Variants in CD47 observed in about 807,000 individuals in gnomAD.
CD47 encodes CD47 molecule.
A neutral mutation model predicts 44.6 loss-of-function variants in CD47; 11 were observed. That is an observed-to-expected ratio of 0.25 (90% CI 0.16 to 0.41). The LOEUF (loss-of-function observed/expected upper bound fraction) is 0.41, where lower values mean the gene tolerates loss of function less well. Ranked by LOEUF, CD47 falls within the 10% of genes least tolerant of loss-of-function variation. CD47 has a pLI of 1.00. For missense variants in CD47, 306 were observed against 386.7 expected (o/e 0.79, Z 1.75); for synonymous variants, 140 against 136.3 (o/e 1.03, Z -0.19).
chr3:108,055,841 T>C (rs1475024650), intron 7 of CD47, among the ~76,000 whole-genome samples: 1 of 151,920 alleles, frequency 6.6e-6, no homozygotes, highest in Non-Finnish European at 1.5e-5. Flanking sequence ...GAGAGTGAAG[T>C]TAAGGAGGTG....
chr3:108,047,309 T>A lies in CD47; in HGVS notation c.968-17A>T. On this transcript the variant is annotated splice_polypyrimidine_tract_variant and intron_variant, in intron 10 of 10. Transcript: ENST00000361309. ...TCAGTTATTCTGGAAAATTGAAAAATGAACACATAATCACTATTCGTGTCT... is the reference window on the plus strand; with the variant it reads ...TCAGTTATTCTGGAAAATTGAAAAAAGAACACATAATCACTATTCGTGTCT... 1 of 1,598,402 alleles carries A rather than the reference T, an allele frequency of 6.3e-7. No individual in the cohort carries two copies. The highest frequency in any genetic ancestry group is 8.6e-7 in the Non-Finnish European group (1 of 1,167,552).
chr3:108,054,780 TTCTGCA>T (rs1204095187), intron 7 of CD47: 1 of 152,244 alleles, frequency 6.6e-6, no homozygotes, highest in Non-Finnish European at 1.5e-5. Flanking sequence ...TACGTATATA[TTCTGCA>T]TCTGCATCAT....
At chr3:108,086,440 T>C (rs148756653) in intron 1 of CD47, among the ~76,000 whole-genome samples, 11 of 152,126 alleles carry the variant, frequency 7.2e-5, no homozygotes, top group African/African-American at 2.4e-4. Context: ...AGGGGAAAAT[T>C]AAAATTGTGA....
intron 1 of CD47, among the ~76,000 whole-genome samples, chr3:108,083,651 A>G (rs2079459894): frequency 6.6e-6 from 1 of 152,052 alleles, no homozygotes; most frequent in South Asian, 2.1e-4. Flanking sequence ...GCTAATAGGC[A>G]AAAACAGAAG....
rs753480891 is a variant in CD47 at position 108,049,621 on chromosome 3, T to A, written c.965A>T (p.Asp322Val). Reference protein sequence around the residue: ...AFKESKGMMNDE With the variant: ...AFKESKGMMNVE Reference sequence around the variant, plus strand: ...TATTAAGTGCATTTTATACTTACCATCATTCATCATTCCTTTTGATTCTTT... The same window carrying A: ...TATTAAGTGCATTTTATACTTACCAACATTCATCATTCCTTTTGATTCTTT... Residue 322 changes from aspartate to valine, a missense_variant and splice_region_variant, in exon 10 of 11, where the codon GAT becomes GTT. By Grantham distance (152) the Asp-to-Val change is radical (BLOSUM62 -3). Around this residue, in one of 5 missense-constraint regions of CD47, gnomAD observed 131 missense variants for 135.3 expected, o/e 0.97. Coordinates refer to ENST00000361309, the MANE Select transcript of CD47 (RefSeq NM_001777.4). 1 of 1,578,076 alleles carries A rather than the reference T, an allele frequency of 6.3e-7. No homozygotes were observed. The highest frequency in any genetic ancestry group is 8.7e-7 in the Non-Finnish European group (1 of 1,147,414).
In CD47 at chr3:108,079,994, C is replaced by T. The variant is rs2079386024; in HGVS notation, c.397G>A (p.Val133Ile). The T allele has an allele frequency of 6.2e-7, 1 of 1,600,308 alleles. No homozygotes were observed. The highest frequency in any genetic ancestry group is 8.5e-7 in the Non-Finnish European group (1 of 1,170,698). The change falls in exon 2 of 11, where the codon GTT becomes ATT. Residue 133 changes from valine to isoleucine, a missense_variant. Physicochemically the swap from Val to Ile is conservative, Grantham distance 29. Around this residue, in one of 5 missense-constraint regions of CD47, gnomAD observed 65 missense variants for 119.9 expected, o/e 0.54. Transcript: ENST00000361309. ...GAAGCTTTCATAGAAGTCTTACCAA[C>T]ACGATATTTTAGCTCGATGATCGTT... ...GETIIELKYR[V>I]VSWFSPNENI...
chr3:108,057,696 T>G (rs2078935028), intron 6 of CD47, 127 bp from the exon 7 acceptor site: 2 of 528,256 alleles, frequency 3.8e-6, no homozygotes, highest in Non-Finnish European at 6.9e-6. Context: ...CATATATGTT[T>G]ATTAACTTAA....
chr3:108,059,410 GA>G, intron 5 of CD47, 41 bp downstream of exon 5: 4 of 1,013,434 alleles, frequency 3.9e-6, no homozygotes, highest in Admixed American at 2.9e-5. Context: ...TTTTGTAAAT[GA>G]AAAAGGTAGA....
Position 108,051,980 on chromosome 3 carries a change from A to G in CD47, c.878-10T>C, listed in dbSNP as rs751041825. ...GTCTTCTGATTGGAAGCTGATATAA[A>G]TAACAAATAAGAATATAAATTTAAT... On this transcript the variant is annotated splice_polypyrimidine_tract_variant and intron_variant, in intron 7 of 10. Coordinates refer to ENST00000361309, the MANE Select transcript of CD47 (RefSeq NM_001777.4). The G allele has an allele frequency of 8.2e-7, 1 of 1,216,736 alleles. No homozygotes were observed. The highest frequency in any genetic ancestry group is 1.2e-6 in the Non-Finnish European group (1 of 828,360). 75.4% of individuals were successfully genotyped at this position (1,216,736 alleles called of 1,614,324 possible). A position where few individuals can be genotyped will look rare whatever the true frequency, so the allele number is the denominator to read the frequency against.
At chr3:108,047,959 C>T (rs1402155343) in intron 10 of CD47, among the ~76,000 whole-genome samples, 1 of 151,952 alleles carries the variant, frequency 6.6e-6, no homozygotes, top group East Asian at 1.9e-4. Flanking sequence ...AAGAGGCACT[C>T]AAGATTCTTA....
At chr3:108,050,276 C>G (rs1402315116) in intron 9 of CD47, among the ~76,000 whole-genome samples, 1 of 152,046 alleles carries the variant, frequency 6.6e-6, no homozygotes, top group Non-Finnish European at 1.5e-5. Flanking sequence ...CACCACCATG[C>G]CCAGGTAATT....
intron 9 of CD47, 46 bp from the exon 10 acceptor site, chr3:108,049,697 A>G (rs776340895): frequency 7.2e-7 from 1 of 1,390,454 alleles, no homozygotes; most frequent in Non-Finnish European, 1.0e-6. Flanking sequence ...AGGTTCCACA[A>G]TTGGAAATCA....
intron 1 of CD47, among the ~76,000 whole-genome samples, chr3:108,082,056 G>A (rs1245048938): frequency 2.0e-5 from 3 of 151,890 alleles, no homozygotes; most frequent in Non-Finnish European, 4.4e-5. Context: ...GAGGGAGAGA[G>A]GACATAGTAT....
chr3:108,051,856 T>C (rs754964347), intron 8 of CD47, 83 bp downstream of exon 8: 45 of 1,030,706 alleles, frequency 4.4e-5, no homozygotes, highest in Non-Finnish European at 5.4e-5. Context: ...ACAAAACAGA[T>C]AGCAAAATAT....
chr3:108,057,087 T>G (rs2078924733), intron 7 of CD47, among the ~76,000 whole-genome samples: 2 of 152,186 alleles, frequency 1.3e-5, no homozygotes, highest in Non-Finnish European at 2.9e-5. Flanking sequence ...ACAGAAACAC[T>G]GGAACAATTA....
At chr3:108,063,495 T>C (rs1377815686) in intron 3 of CD47, among the ~76,000 whole-genome samples, 3 of 152,174 alleles carry the variant, frequency 2.0e-5, no homozygotes, top group Non-Finnish European at 4.4e-5. Flanking sequence ...AGTCGTCAAA[T>C]TTCTCAGTAT....
At chr3:108,065,969 A>AGATAGGCTAT (rs2079100275) in intron 3 of CD47, among the ~76,000 whole-genome samples, 1 of 152,122 alleles carries the variant, frequency 6.6e-6, no homozygotes, top group Non-Finnish European at 1.5e-5. Flanking sequence ...TCCTAGTCCA[A>AGATAGGCTAT]GATAGGCTAT....
rs2079627509 is a variant in CD47 at position 108,090,967 on chromosome 3, G to A, written c.-59C>T. On this transcript the variant is annotated 5_prime_UTR_variant, in exon 1 of 11. Coordinates refer to ENST00000361309, the MANE Select transcript of CD47 (RefSeq NM_001777.4). ...GCAGGTGTCCGGAGCAGCAGCCGCCGCCGCCGTTACAGGCAGGACCGACCG... is the reference window on the plus strand; with the variant it reads ...GCAGGTGTCCGGAGCAGCAGCCGCCACCGCCGTTACAGGCAGGACCGACCG... The A allele has an allele frequency of 6.9e-6, 9 of 1,305,842 alleles. No homozygotes were observed. The highest frequency in any genetic ancestry group is 2.7e-4 in the Middle Eastern group (1 of 3,684). The allele number at this position is 1,305,842 out of a possible 1,614,324, so 80.9% of individuals were successfully genotyped here. A position where few individuals can be genotyped will look rare whatever the true frequency, so the allele number is the denominator to read the frequency against.
Position 108,080,281 on chromosome 3 carries a change from A to G in CD47, c.110T>C (p.Val37Ala). The G allele has an allele frequency of 1.2e-6, 2 of 1,611,858 alleles. No homozygotes were observed. The highest frequency in any genetic ancestry group is 1.7e-6 in the Non-Finnish European group (2 of 1,178,306). Residue 37 changes from valine (V) to alanine (A), a missense_variant, in exon 2 of 11, where the codon GTC becomes GCC. By Grantham distance (64) the Val-to-Ala change is moderately conservative. This residue lies in a region of CD47 where 38 missense variants were observed against 42.7 expected (regional missense o/e 0.89). Transcript: ENST00000361309. The stretch of plus-strand genomic sequence containing the variant: ...ATTAGTAACAAAGCATGGAATGACG[A>G]CAGTGTCATTACAAAACGTGAATTC... Reference protein sequence around the residue: ...SVEFTFCNDTVVIPCFVTNME... With the variant: ...SVEFTFCNDTAVIPCFVTNME...
Sources: gnomAD v4.1 joint callset for allele counts (sites outside exome capture counted in the v4.1 genomes callset) on GRCh38, gnomAD v4.1.1 for gene constraint, gnomAD v4.1.1 regional missense constraint, MANE v1.5 for transcripts, NCBI Gene and HGNC (gene_info 2026-07-23, HGNC 2026-07-21) for gene names.